G2E3: variants seen among roughly 807,000 people sequenced by gnomAD.
G2E3 encodes G2/M-phase specific E3 ubiquitin protein ligase.
G2E3 carries 35 observed loss-of-function variants against 92.8 expected under a neutral mutation model. The observed-to-expected ratio is 0.38, with a 90% CI of 0.29 to 0.50. The LOEUF (loss-of-function observed/expected upper bound fraction) is 0.50, where lower values mean the gene tolerates loss of function less well. Among genes scored for constraint, G2E3 ranks in the 20% least tolerant of loss-of-function variants. The pLI is 0.94. For missense variants in G2E3, 554 were observed against 823.8 expected (o/e 0.67, Z 4.01); for synonymous variants, 242 against 272.4 (o/e 0.89, Z 1.10).
In G2E3 at chr14:30,592,313, A is replaced by G; in HGVS notation, c.238-10A>G. ...TATGTTGTGACCCCTATTTTCACAT[A>G]CTCTTCTAGAAATGCTGTGTTTGCA... On this transcript the variant is annotated splice_polypyrimidine_tract_variant and intron_variant, in intron 4 of 14. Coordinates refer to ENST00000206595, the MANE Select transcript of G2E3 (RefSeq NM_017769.5). The G allele has an allele frequency of 1.9e-6, 3 of 1,611,218 alleles. No homozygotes were observed. Among genetic ancestry groups the G allele is most frequent in the Non-Finnish European group, 2.5e-6 (3 of 1,177,970 alleles).
At chr14:30,560,973 G>A (rs1879064241) in intron 1 of G2E3, 6 of 599,454 alleles carry the variant, frequency 1.0e-5, no homozygotes, top group Non-Finnish European at 1.8e-5. Context: ...CCACTTGATA[G>A]CTAGGTGACC....
intron 1 of G2E3, among the ~76,000 whole-genome samples, chr14:30,565,603 G>A (rs1167668134): frequency 1.4e-5 from 2 of 145,000 alleles, no homozygotes; most frequent in Admixed American, 6.8e-5. Context: ...GATCCATTTC[G>A]AGTTGATTTT....
At chr14:30,609,997 G>A (rs976383994) in intron 12 of G2E3, among the ~76,000 whole-genome samples, 2 of 152,142 alleles carry the variant, frequency 1.3e-5, no homozygotes, top group Non-Finnish European at 2.9e-5. Context: ...TCTTCCAAAA[G>A]TACAGTTTTG....
intron 13 of G2E3, among the ~76,000 whole-genome samples, chr14:30,613,698 G>GTT (rs200219517): frequency 3.5e-5 from 5 of 144,278 alleles, no homozygotes; most frequent in African/African-American, 1.3e-4. Flanking sequence ...AATCTATTTT[G>GTT]TTTTTTTTTT....
chr14:30,615,507 G>A lies in G2E3; in HGVS notation c.1832G>A (p.Gly611Glu). ...VHTLPDVKAL[G>E]FWNSYLQAVE... ...ACATTACCTGATGTGAAAGCTTTGG[G>A]GTTTTGGAACAGTTACTTACAGGCT... The change falls in exon 14 of 15, where the codon GGG becomes GAG. Residue 611 changes from glycine (G) to glutamate (E), a missense_variant. By Grantham distance (98) the Gly-to-Glu change is moderately conservative. This residue lies in a region of G2E3 where 397 missense variants were observed against 560.3 expected (regional missense o/e 0.71). Coordinates refer to ENST00000206595, the MANE Select transcript of G2E3 (RefSeq NM_017769.5). The A allele has an allele frequency of 6.2e-7, 1 of 1,601,854 alleles. No individual in the cohort carries two copies. Among genetic ancestry groups the A allele is most frequent in the Non-Finnish European group, 8.5e-7 (1 of 1,175,466 alleles).
At chr14:30,600,017 T>TACA (rs1294955285) in intron 8 of G2E3, among the ~76,000 whole-genome samples, 1 of 152,242 alleles carries the variant, frequency 6.6e-6, no homozygotes, top group Non-Finnish European at 1.5e-5. Context: ...TGTACTGTGT[T>TACA]GCATAGTAGG....
intron 1 of G2E3, chr14:30,573,633 G>T (rs1269205281): frequency 1.3e-5 from 2 of 152,070 alleles, no homozygotes; most frequent in Admixed American, 6.6e-5. Context: ...GGATCTGAAG[G>T]CCTGAGAACC....
At chr14:30,598,669 T>C (rs1469594751) in intron 8 of G2E3, 70 bp downstream of exon 8, 10 of 985,132 alleles carry the variant, frequency 1.0e-5, no homozygotes, top group Non-Finnish European at 1.6e-5. Context: ...GTAGATTTTA[T>C]AGTTAGTGAA....
chr14:30,563,755 CTG>C (rs1269733549), intron 1 of G2E3, among the ~76,000 whole-genome samples: 1 of 150,324 alleles, frequency 6.7e-6, no homozygotes, highest in Non-Finnish European at 1.5e-5. Context: ...GAGTCTCACT[CTG>C]TTGCCCAGGC....
At chr14:30,573,052 C>T (rs1879860547) in intron 1 of G2E3, among the ~76,000 whole-genome samples, 1 of 151,798 alleles carries the variant, frequency 6.6e-6, no homozygotes, top group Non-Finnish European at 1.5e-5. Context: ...AAGGTGGACT[C>T]AAATTCCTGG....
intron 2 of G2E3, among the ~76,000 whole-genome samples, chr14:30,582,737 T>C (rs560551193): frequency 1.3e-5 from 2 of 152,152 alleles, no homozygotes; most frequent in Non-Finnish European, 2.9e-5. Flanking sequence ...TTCCCTTGTA[T>C]GGAAGGGAAG....
At chr14:30,569,082 GTATAA>G (rs1179259364) in intron 1 of G2E3, among the ~76,000 whole-genome samples, 1 of 152,022 alleles carries the variant, frequency 6.6e-6, no homozygotes. Context: ...TTTTATTGAG[GTATAA>G]TATATATGCC....
intron 1 of G2E3, among the ~76,000 whole-genome samples, chr14:30,575,965 T>C (rs752709057): frequency 9.9e-5 from 15 of 152,210 alleles, no homozygotes; most frequent in Non-Finnish European, 2.1e-4. Flanking sequence ...ACAGATTCAC[T>C]GCTATTCCTG....
intron 1 of G2E3, among the ~76,000 whole-genome samples, chr14:30,569,168 A>G (rs1288516897): frequency 6.6e-6 from 1 of 152,206 alleles, no homozygotes; most frequent in Non-Finnish European, 1.5e-5. Flanking sequence ...TAAGAAATTA[A>G]AAGAAAAAGC....
rs764751462 is a variant in G2E3, at chr14:30,593,427, T to A, written c.363-47T>A. 79 of 895,640 alleles carry A rather than the reference T, an allele frequency of 8.8e-5. 1 individual carries two copies. The highest frequency in any genetic ancestry group is 1.3e-4 in the Non-Finnish European group (75 of 568,538). 55.5% of individuals were successfully genotyped at this position (895,640 alleles called of 1,614,324 possible). A position where few individuals can be genotyped will look rare whatever the true frequency, so the allele number is the denominator to read the frequency against. ...TGTGAATTACAGTGTTTTCCAAGTT[T>A]TGCTTTGCAGTTCATGAGATTTTTT... is the stretch of plus-strand genomic sequence containing the variant. On this transcript the variant is annotated intron_variant, in intron 5 of 14. Coordinates refer to ENST00000206595, the MANE Select transcript of G2E3 (RefSeq NM_017769.5).
chr14:30,583,199 A>G (rs1880526465), intron 2 of G2E3, among the ~76,000 whole-genome samples: 1 of 152,148 alleles, frequency 6.6e-6, no homozygotes, highest in Admixed American at 6.6e-5. Context: ...GTGATTTTCA[A>G]CTTGTTTCAT....
intron 1 of G2E3, among the ~76,000 whole-genome samples, chr14:30,564,941 A>G (rs1020668806): frequency 4.6e-5 from 7 of 152,202 alleles, no homozygotes; most frequent in Non-Finnish European, 2.9e-5. Context: ...CTGTGAACAT[A>G]TGTATGCAAG....
At chr14:30,566,411 ATTTC>A (rs1310742084) in intron 1 of G2E3, among the ~76,000 whole-genome samples, 2 of 152,156 alleles carry the variant, frequency 1.3e-5, no homozygotes, top group South Asian at 2.1e-4. Context: ...CAGTTCTTTA[ATTTC>A]TTTCAGCACT....
At chr14:30,570,853 C>T (rs575553864) in intron 1 of G2E3, among the ~76,000 whole-genome samples, 1 of 152,216 alleles carries the variant, frequency 6.6e-6, no homozygotes, top group South Asian at 2.1e-4. Context: ...AGAGTTTTTT[C>T]AGAAAATATA....
Sources: allele counts gnomAD v4.1 joint callset (sites outside exome capture counted in the v4.1 genomes callset), GRCh38; gene constraint gnomAD v4.1.1; regional missense constraint gnomAD v4.1.1; transcripts MANE v1.5; gene names NCBI Gene and HGNC (gene_info 2026-07-23, HGNC 2026-07-21).